Variants in LRRIQ1 observed in about 807,000 individuals in gnomAD.
LRRIQ1 encodes leucine-rich repeat- and IQ domain-containing protein 1.
LRRIQ1 carries 210 observed loss-of-function variants against 211.9 expected under a neutral mutation model. The observed-to-expected ratio is 0.99, with a 90% CI of 0.89 to 1.11. LRRIQ1 has a LOEUF of 1.11. Ranked by LOEUF, LRRIQ1 falls within the 50% of genes most tolerant of loss-of-function variation. LRRIQ1 has a pLI of 0.00. For synonymous variants in LRRIQ1, 699 were observed against 650.1 expected (o/e 1.08, Z -1.14); for missense variants, 2,136 against 1,939.5 (o/e 1.10, Z -1.90).
intron 24 of LRRIQ1, among the ~76,000 whole-genome samples, chr12:85,218,498 A>G (rs1425091993): frequency 6.6e-6 from 1 of 152,124 alleles, no homozygotes; most frequent in Non-Finnish European, 1.5e-5. Flanking sequence ...AAAAGGAGAA[A>G]ACTGAGACAG....
intron 11 of LRRIQ1, among the ~76,000 whole-genome samples, chr12:85,079,107 A>G (rs992586003): frequency 1.3e-5 from 2 of 152,116 alleles, no homozygotes; most frequent in African/African-American, 4.8e-5. Context: ...ACCAAATGAG[A>G]GTGAAAAACC....
chr12:85,211,242 C>T (rs910580315), intron 24 of LRRIQ1, among the ~76,000 whole-genome samples: 12 of 152,166 alleles, frequency 7.9e-5, no homozygotes, highest in African/African-American at 2.4e-4. Context: ...AGGATGAATA[C>T]ATGGAATTAT....
Position 85,131,727 on chromosome 12 carries a change from T to C in LRRIQ1, c.4209+3694T>C, listed in dbSNP as rs529215099. The stretch of plus-strand genomic sequence containing the variant: ...GTTTCAACAAGGAGCAAGTATATAG[T>C]ATGCTACAGGGGGTAAGAGTTGATG... On this transcript the variant is annotated intron_variant, in intron 18 of 26. Transcript: ENST00000393217. 2.0e-5 allele frequency among the ~76,000 whole-genome samples: 3 copies of C among 152,078 alleles called. No homozygotes were observed. In the East Asian group the frequency reaches 5.8e-4, roughly 30 times the overall value.
intron 24 of LRRIQ1, among the ~76,000 whole-genome samples, chr12:85,191,315 T>C (rs1484266644): frequency 6.6e-6 from 1 of 151,986 alleles, no homozygotes; most frequent in Non-Finnish European, 1.5e-5. Context: ...ACGTGTTTTA[T>C]CTATAAGCAT....
At chr12:85,081,998 C>T (rs915608150) in intron 11 of LRRIQ1, among the ~76,000 whole-genome samples, 8 of 152,224 alleles carry the variant, frequency 5.3e-5, no homozygotes, top group African/African-American at 1.9e-4. Context: ...GCTCAGATTA[C>T]AGGCATGAGC....
At chr12:85,051,686 G>A (rs1880339344) in intron 6 of LRRIQ1, among the ~76,000 whole-genome samples, 2 of 152,138 alleles carry the variant, frequency 1.3e-5, no homozygotes, top group Non-Finnish European at 2.9e-5. Context: ...CACATTATCA[G>A]AAGAGTTTTT....
At chr12:85,171,561 C>A (rs542125208) in intron 24 of LRRIQ1, among the ~76,000 whole-genome samples, 7 of 152,320 alleles carry the variant, frequency 4.6e-5, no homozygotes, top group East Asian at 1.9e-4. Context: ...AAGCTAACTT[C>A]TTCAGAGAAA....
intron 23 of LRRIQ1, among the ~76,000 whole-genome samples, chr12:85,157,608 C>T (rs1483997343): frequency 6.6e-6 from 1 of 151,890 alleles, no homozygotes. Flanking sequence ...GAAGAAGATC[C>T]TGTGTAAGGT....
intron 6 of LRRIQ1, among the ~76,000 whole-genome samples, chr12:85,051,873 A>C (rs892069029): frequency 1.6e-4 from 25 of 152,256 alleles, no homozygotes; most frequent in African/African-American, 6.0e-4. Flanking sequence ...CATTATTGTA[A>C]TTTTTACAAT....
chr12:85,190,287 G>C (rs988001319), intron 24 of LRRIQ1, among the ~76,000 whole-genome samples: 2 of 142,952 alleles, frequency 1.4e-5, no homozygotes, highest in Admixed American at 1.4e-4. Flanking sequence ...CAACTATACA[G>C]TTAATAATTT....
At chr12:85,049,000 A>G (rs1879982428) in intron 6 of LRRIQ1, among the ~76,000 whole-genome samples, 1 of 152,198 alleles carries the variant, frequency 6.6e-6, no homozygotes, top group Non-Finnish European at 1.5e-5. Context: ...ACCCTCAAAG[A>G]ATTATAACTT....
intron 24 of LRRIQ1, among the ~76,000 whole-genome samples, chr12:85,202,655 T>A (rs1893353077): frequency 6.6e-6 from 1 of 152,194 alleles, no homozygotes; most frequent in East Asian, 1.9e-4. Flanking sequence ...TCCATCTCTT[T>A]ACTTTGAGCT....
At chr12:85,121,409 C>G (rs1375976727) in intron 15 of LRRIQ1, among the ~76,000 whole-genome samples, 5 of 152,020 alleles carry the variant, frequency 3.3e-5, no homozygotes, top group Admixed American at 3.3e-4. Context: ...TTTTACACTC[C>G]AAATTCCAGC....
At chr12:85,074,174 A>G (rs1883387006) in intron 11 of LRRIQ1, among the ~76,000 whole-genome samples, 1 of 152,046 alleles carries the variant, frequency 6.6e-6, no homozygotes, top group Non-Finnish European at 1.5e-5. Context: ...GAGAATAGTG[A>G]ATGTATCAAT....
chr12:85,060,388 T>G (rs1881651620), intron 8 of LRRIQ1, among the ~76,000 whole-genome samples: 1 of 152,012 alleles, frequency 6.6e-6, no homozygotes, highest in Non-Finnish European at 1.5e-5. Context: ...TTTTAACTAT[T>G]TTTTATTTTT....
At chr12:85,175,882 A>AGTTGTTTTG (rs1891674442) in intron 24 of LRRIQ1, among the ~76,000 whole-genome samples, 1 of 152,170 alleles carries the variant, frequency 6.6e-6, no homozygotes, top group South Asian at 2.1e-4. Context: ...TTTTGGTACC[A>AGTTGTTTTG]GTACCATGCT....
At chr12:85,217,582 GTATA>G (rs62755460) in intron 24 of LRRIQ1, among the ~76,000 whole-genome samples, 164 of 119,146 alleles carry the variant, frequency 1.4e-3, no homozygotes, top group African/African-American at 3.7e-3. Context: ...GTATACATAT[GTATA>G]TATATATGTA....
At chr12:85,226,564 G>T in intron 24 of LRRIQ1, among the ~76,000 whole-genome samples, 1 of 143,510 alleles carries the variant, frequency 7.0e-6, no homozygotes, top group Admixed American at 7.1e-5. Context: ...AAGTTCTAGG[G>T]TACATGTGCA....
chr12:85,156,864 T>C (rs1164177347), intron 23 of LRRIQ1, among the ~76,000 whole-genome samples: 1 of 151,832 alleles, frequency 6.6e-6, no homozygotes, highest in Non-Finnish European at 1.5e-5. Context: ...TTAATTAATG[T>C]AATAAATTAT....
Sources: gnomAD v4.1 joint callset for allele counts (sites outside exome capture counted in the v4.1 genomes callset) on GRCh38, gnomAD v4.1.1 for gene constraint, MANE v1.5 for transcripts, NCBI Gene and HGNC (gene_info 2026-07-23, HGNC 2026-07-21) for gene names.